Variants in DENND1B observed in about 807,000 individuals in gnomAD.
DENND1B encodes DENN domain containing 1B, also known as DENN domain-containing protein 1B.
Under a neutral mutation model 90.1 loss-of-function variants are expected in DENND1B, and 59 were observed. That is an observed-to-expected ratio of 0.65 (90% confidence interval 0.53 to 0.81). The LOEUF (loss-of-function observed/expected upper bound fraction) is 0.81. Ranked by LOEUF, DENND1B falls within the 40% of genes least tolerant of loss-of-function variation. DENND1B has a pLI of 0.00. For missense variants in DENND1B, 862 were observed against 912.6 expected (o/e 0.94, Z 0.71); for synonymous variants, 337 against 324.6 (o/e 1.04, Z -0.41).
chr1:197,739,897 A>T (rs74134865), intron 2 of DENND1B, among the ~76,000 whole-genome samples: 2,700 of 152,300 alleles, frequency 0.018, 74 homozygotes, highest in African/African-American at 0.059. Context: ...ATTTCTAAGA[A>T]ATCAGACCTT....
intron 3 of DENND1B, among the ~76,000 whole-genome samples, chr1:197,706,134 G>A (rs550458970): frequency 6.6e-6 from 1 of 152,246 alleles, no homozygotes; most frequent in African/African-American, 2.4e-5. Context: ...TGCAAATGGT[G>A]AGAACTCCAT....
Position 197,580,093 on chromosome 1 carries a change from T to TC in DENND1B, c.1149+3058_1149+3059insG, listed in dbSNP as rs1382343132. 5.4e-5 allele frequency among the ~76,000 whole-genome samples: 7 copies of TC among 130,712 alleles called. No homozygotes were observed. In the East Asian group the frequency reaches 1.5e-3, roughly 28 times the overall value. The allele number at this position is 130,712 out of a possible 152,430, so 85.8% of individuals were successfully genotyped here. A position where few individuals can be genotyped will look rare whatever the true frequency, so the allele number is the denominator to read the frequency against. ...TTCTTTCTTTTCTTTCTTTCTTTTT[T>TC]TTTTTTTTTTTTTTTTGAGATAAGA... On this transcript the variant is annotated intron_variant, in intron 15 of 22. Transcript: ENST00000620048.
intron 7 of DENND1B, among the ~76,000 whole-genome samples, chr1:197,648,470 C>T (rs1001924340): frequency 6.6e-6 from 1 of 151,836 alleles, no homozygotes; most frequent in Non-Finnish European, 1.5e-5. Context: ...ATTTATTTAC[C>T]CCTGAGCAAA....
At chr1:197,633,119 C>G (rs1373781900) in intron 10 of DENND1B, among the ~76,000 whole-genome samples, 1 of 152,092 alleles carries the variant, frequency 6.6e-6, no homozygotes, top group East Asian at 1.9e-4. Flanking sequence ...TAAAAGGAAG[C>G]CATACATACC....
At chr1:197,778,607 G>A (rs1334517941), upstream of DENND1B, among the ~76,000 whole-genome samples, 1 of 151,984 alleles carries the variant, frequency 6.6e-6, no homozygotes, top group African/African-American at 2.4e-5. Context: ...AACCTGGGAG[G>A]CAGAGGTTGC....
chr1:197,647,660 A>G (rs1465317212), intron 7 of DENND1B, among the ~76,000 whole-genome samples: 1 of 152,154 alleles, frequency 6.6e-6, no homozygotes, highest in Non-Finnish European at 1.5e-5. Flanking sequence ...TTAAGATATT[A>G]TAACTAGGCC....
At chr1:197,529,264 GTGTGTA>G in intron 20 of DENND1B, among the ~76,000 whole-genome samples, 1 of 52,554 alleles carries the variant, frequency 1.9e-5, no homozygotes, top group South Asian at 7.3e-4. Flanking sequence ...GTGTGTGTGT[GTGTGTA>G]TATGTATATA....
At chr1:197,749,499 A>T (rs1653164909) in intron 2 of DENND1B, among the ~76,000 whole-genome samples, 1 of 152,144 alleles carries the variant, frequency 6.6e-6, no homozygotes. Flanking sequence ...GAACATTATT[A>T]AAAATGCTGA....
intron 5 of DENND1B, among the ~76,000 whole-genome samples, chr1:197,663,726 G>A (rs987338473): frequency 2.0e-5 from 3 of 151,992 alleles, no homozygotes; most frequent in Admixed American, 1.3e-4. Flanking sequence ...TCAGATCACC[G>A]TACTTACCCC....
intron 2 of DENND1B, among the ~76,000 whole-genome samples, chr1:197,771,209 GC>G (rs1656566320): frequency 6.6e-6 from 1 of 152,056 alleles, no homozygotes; most frequent in African/African-American, 2.4e-5. Context: ...ACCGTGCCAC[GC>G]CTTTACAAGC....
chr1:197,763,443 C>T (rs1655345753), intron 2 of DENND1B, among the ~76,000 whole-genome samples: 1 of 152,172 alleles, frequency 6.6e-6, no homozygotes, highest in African/African-American at 2.4e-5. Flanking sequence ...GTACCTTTAT[C>T]AGTTTAACAA....
intron 2 of DENND1B, among the ~76,000 whole-genome samples, chr1:197,730,789 T>C (rs1272470365): frequency 6.6e-6 from 1 of 152,124 alleles, no homozygotes; most frequent in Admixed American, 6.5e-5. Flanking sequence ...TGGACATTAT[T>C]AAACCTGTTT....
At chr1:197,515,772 G>A (rs1668352544) in intron 20 of DENND1B, among the ~76,000 whole-genome samples, 1 of 151,690 alleles carries the variant, frequency 6.6e-6, no homozygotes, top group Admixed American at 6.6e-5. Flanking sequence ...AAGTCTAATG[G>A]ACCCTACAAT....
chr1:197,659,499 AC>A (rs1654192985), intron 5 of DENND1B, among the ~76,000 whole-genome samples: 1 of 151,988 alleles, frequency 6.6e-6, no homozygotes, highest in Non-Finnish European at 1.5e-5. Context: ...TAAAATATCT[AC>A]CCAACTCTGG....
At chr1:197,634,370 A>G (rs2125903117) in intron 10 of DENND1B, among the ~76,000 whole-genome samples, 1 of 152,276 alleles carries the variant, frequency 6.6e-6, no homozygotes, top group South Asian at 2.1e-4. Flanking sequence ...GATCTTACCT[A>G]TAGAACACTG....
intron 15 of DENND1B, among the ~76,000 whole-genome samples, chr1:197,572,657 G>A (rs989241911): frequency 2.6e-5 from 4 of 152,200 alleles, no homozygotes; most frequent in Admixed American, 2.6e-4. Context: ...ACACCTCCCA[G>A]TAGGGGCTAA....
At chr1:197,687,172 C>T (rs1277266911) in intron 3 of DENND1B, among the ~76,000 whole-genome samples, 3 of 152,160 alleles carry the variant, frequency 2.0e-5, no homozygotes, top group African/African-American at 7.2e-5. Context: ...TGTTCTGCCA[C>T]TTAAAAGCCG....
intron 2 of DENND1B, among the ~76,000 whole-genome samples, chr1:197,720,632 G>T (rs1306464025): frequency 6.6e-6 from 1 of 152,082 alleles, no homozygotes; most frequent in Non-Finnish European, 1.5e-5. Context: ...CTTTGGTGAA[G>T]CCAGAGATTC....
chr1:197,756,057 T>G (rs1217416850), intron 2 of DENND1B, among the ~76,000 whole-genome samples: 1 of 152,184 alleles, frequency 6.6e-6, no homozygotes, highest in Admixed American at 6.5e-5. Context: ...ACACAATGTA[T>G]AGTAAAACCA....
Sources: allele counts gnomAD v4.1 joint callset (sites outside exome capture counted in the v4.1 genomes callset), GRCh38; gene constraint gnomAD v4.1.1; transcripts MANE v1.5; gene names NCBI Gene and HGNC (gene_info 2026-07-23, HGNC 2026-07-21).